Variants in PACSIN2 observed in about 807,000 individuals in gnomAD.
The protein encoded by PACSIN2 is protein kinase C and casein kinase substrate in neurons protein 2.
PACSIN2 carries 25 observed loss-of-function variants against 63.8 expected under a neutral mutation model. The observed-to-expected ratio is 0.39, with a 90% CI of 0.29 to 0.55. PACSIN2 has a LOEUF of 0.55. PACSIN2 is among the 20% of genes least tolerant of loss of function. PACSIN2 has a pLI of 0.62. For missense variants in PACSIN2, 518 were observed against 646.9 expected, an observed-to-expected ratio of 0.80 and a Z score of 2.16; for synonymous variants, 255 against 256.2, an observed-to-expected ratio of 1.00 and a Z score of 0.05.
In PACSIN2 at chr22:42,888,695, T is replaced by C; in HGVS notation, c.557A>G (p.Gln186Arg). The C allele has an allele frequency of 1.9e-6, 3 of 1,614,230 alleles. No homozygotes were observed. The highest frequency in any genetic ancestry group is 2.5e-6 in the Non-Finnish European group (3 of 1,180,030). The change falls in exon 5 of 11, where the codon CAG becomes CGG. Residue 186 changes from glutamine to arginine, a missense_variant. By Grantham distance (43) the Gln-to-Arg change is conservative (BLOSUM62 1). Around this residue, in one of 2 missense-constraint regions of PACSIN2, gnomAD observed 507 missense variants for 612.3 expected, o/e 0.83. Coordinates refer to ENST00000263246, the MANE Select transcript of PACSIN2 (RefSeq NM_001184970.3). ...SKADPSLNPEQLKKLQDKIEK... is the reference protein window; with the variant it reads ...SKADPSLNPERLKKLQDKIEK... Reference sequence around the variant, plus strand: ...TATTTTGTCTTGCAATTTCTTGAGCTGTTCAGGGTTGAGGGATGGGTCTGC... The same window carrying C: ...TATTTTGTCTTGCAATTTCTTGAGCCGTTCAGGGTTGAGGGATGGGTCTGC...
chr22:42,926,759 G>A (rs1446305709), intron 1 of PACSIN2, among the ~76,000 whole-genome samples: 2 of 151,880 alleles, frequency 1.3e-5, no homozygotes, highest in South Asian at 4.2e-4. Flanking sequence ...TTGAGCCTAG[G>A]AGTTCAAGGC....
chr22:42,944,252 C>T (rs979685036), intron 1 of PACSIN2, among the ~76,000 whole-genome samples: 3 of 152,124 alleles, frequency 2.0e-5, no homozygotes, highest in Non-Finnish European at 2.9e-5. Context: ...ACAGATCAAG[C>T]GAGAAAGACA....
intron 1 of PACSIN2, among the ~76,000 whole-genome samples, chr22:42,921,892 C>T (rs1932221078): frequency 6.6e-6 from 1 of 152,132 alleles, no homozygotes; most frequent in African/African-American, 2.4e-5. Context: ...GCGCTCACCA[C>T]CATGCCAGGC....
chr22:42,968,092 A>G (rs1920993142), intron 1 of PACSIN2, among the ~76,000 whole-genome samples: 1 of 152,216 alleles, frequency 6.6e-6, no homozygotes, highest in African/African-American at 2.4e-5. Context: ...GCTTGCCCAC[A>G]GTTGCACAGC....
chr22:42,918,393 G>C (rs962610029), intron 1 of PACSIN2, among the ~76,000 whole-genome samples: 45 of 152,170 alleles, frequency 3.0e-4, no homozygotes, highest in African/African-American at 1.1e-3. Context: ...CTAGAAGTGG[G>C]ATAAACCACC....
intron 1 of PACSIN2, among the ~76,000 whole-genome samples, chr22:42,999,847 C>A (rs779051722): frequency 1.3e-5 from 2 of 152,190 alleles, no homozygotes; most frequent in Non-Finnish European, 2.9e-5. Context: ...CTTCTCTGAG[C>A]CTATTTCCTC....
intron 1 of PACSIN2, among the ~76,000 whole-genome samples, chr22:42,946,403 G>A (rs768035062): frequency 6.6e-6 from 1 of 152,172 alleles, no homozygotes; most frequent in Non-Finnish European, 1.5e-5. Context: ...ATTGGCCTCT[G>A]AGCCTGGCGA....
At chr22:42,986,457 C>G (rs1922616445) in intron 1 of PACSIN2, among the ~76,000 whole-genome samples, 1 of 152,198 alleles carries the variant, frequency 6.6e-6, no homozygotes, top group Non-Finnish European at 1.5e-5. Flanking sequence ...TCCACAACCC[C>G]TTCCCAGCAT....
intron 1 of PACSIN2, among the ~76,000 whole-genome samples, chr22:42,986,306 C>A (rs1029541723): frequency 6.6e-6 from 1 of 152,194 alleles, no homozygotes; most frequent in Non-Finnish European, 1.5e-5. Context: ...GTGTGGTCAG[C>A]GAGTCTGGTA....
rs76860041 is a variant in PACSIN2 at position 42,993,486 on chromosome 22, A to G, written c.-78+21535T>C. 782 of 152,350 alleles carry G rather than the reference A, an allele frequency of 5.1e-3. 3 individuals are homozygous for G. Among genetic ancestry groups the G allele is most frequent in the African/African-American group, 0.018 (746 of 41,578 alleles). 9.4% of individuals were successfully genotyped at this position (152,350 alleles called of 1,614,324 possible). A position where few individuals can be genotyped will look rare whatever the true frequency, so the allele number is the denominator to read the frequency against. ...AAGACTGCTTACTTCTTATTTTGCCAAGTAAGAATATCCTTTAGAAACTAC... is the reference window on the plus strand; with the variant it reads ...AAGACTGCTTACTTCTTATTTTGCCGAGTAAGAATATCCTTTAGAAACTAC... On this transcript the variant is annotated intron_variant, in intron 1 of 10. Transcript: ENST00000263246.
chr22:42,923,153 G>A lies in PACSIN2; in HGVS notation c.-77-10996C>T, dbSNP rs987555686. On this transcript the variant is annotated intron_variant, in intron 1 of 10. Coordinates refer to ENST00000263246, the MANE Select transcript of PACSIN2 (RefSeq NM_001184970.3). Reference sequence around the variant, plus strand: ...TGGTAACTCAGAGTTTTGTACCCATGCTACTGGTTTTAAAAATGAGAACAT... The same window carrying A: ...TGGTAACTCAGAGTTTTGTACCCATACTACTGGTTTTAAAAATGAGAACAT... 5.9e-5 allele frequency among the ~76,000 whole-genome samples: 9 copies of A among 152,186 alleles called. No homozygotes were observed. The South Asian group carries it at 6.2e-4, about 11-fold the overall frequency.
intron 2 of PACSIN2, among the ~76,000 whole-genome samples, chr22:42,903,116 T>C (rs1930816791): frequency 6.6e-6 from 1 of 152,144 alleles, no homozygotes; most frequent in African/African-American, 2.4e-5. Context: ...CTACAAAGCT[T>C]TCAGGGAAAT....
At chr22:42,887,001 A>G (rs1247726869) in intron 5 of PACSIN2, among the ~76,000 whole-genome samples, 1 of 152,208 alleles carries the variant, frequency 6.6e-6, no homozygotes, top group Admixed American at 6.5e-5. Flanking sequence ...AACATGGAGA[A>G]GCCCCATCTT....
At chr22:42,904,458 T>G (rs746204949) in intron 2 of PACSIN2, among the ~76,000 whole-genome samples, 6 of 152,208 alleles carry the variant, frequency 3.9e-5, no homozygotes, top group South Asian at 2.1e-4. Flanking sequence ...GGCATCACCT[T>G]GCTGGAAGAG....
intron 1 of PACSIN2, among the ~76,000 whole-genome samples, chr22:42,960,852 A>G (rs147097655): frequency 3.3e-4 from 50 of 152,356 alleles, no homozygotes; most frequent in Non-Finnish European, 6.8e-4. Context: ...ATATTATTCA[A>G]TAACACTTTT....
chr22:42,889,098 G>T lies in PACSIN2; in HGVS notation c.454-300C>A, dbSNP rs117986523. Among the ~76,000 whole-genome samples the T allele has an allele frequency of 5.1e-3, 780 of 152,232 alleles. 5 individuals carry two copies. Among genetic ancestry groups the T allele is most frequent in the Non-Finnish European group, 9.4e-3 (636 of 68,018 alleles). On this transcript the variant is annotated intron_variant, in intron 4 of 10. Transcript: ENST00000263246. ...AGATACAGTATAGGAAAAGTTACAT[G>T]CCAGAGTCAATTAGAGGGCATTAAG...
chr22:42,890,694 G>A (rs1176119102), intron 4 of PACSIN2, among the ~76,000 whole-genome samples: 2 of 152,218 alleles, frequency 1.3e-5, no homozygotes, highest in African/African-American at 4.8e-5. Flanking sequence ...CAGCCTGGGA[G>A]AGAGAGTGAG....
intron 1 of PACSIN2, among the ~76,000 whole-genome samples, chr22:42,967,518 T>C (rs1920975875): frequency 6.6e-6 from 1 of 152,264 alleles, no homozygotes; most frequent in Admixed American, 6.5e-5. Context: ...TTTAACTTTG[T>C]AACAGAATAA....
chr22:42,971,335 C>T (rs1921249920), intron 1 of PACSIN2, among the ~76,000 whole-genome samples: 1 of 152,230 alleles, frequency 6.6e-6, no homozygotes, highest in Non-Finnish European at 1.5e-5. Flanking sequence ...GATCTGCCCG[C>T]CTCAGCCTCC....
Sources: allele counts gnomAD v4.1 joint callset (sites outside exome capture counted in the v4.1 genomes callset), GRCh38; gene constraint gnomAD v4.1.1; regional missense constraint gnomAD v4.1.1; transcripts MANE v1.5; gene names NCBI Gene and HGNC (gene_info 2026-07-23, HGNC 2026-07-21).